CSMD1: variants seen among roughly 807,000 people sequenced by gnomAD.
The protein encoded by CSMD1 is CUB and sushi domain-containing protein 1.
In CSMD1, 213 loss-of-function variants were observed where a neutral mutation model predicts 417.5. The ratio of observed to expected loss-of-function variants is 0.51; its 90% CI spans 0.46 to 0.57. The LOEUF is 0.57. Among genes scored for constraint, CSMD1 ranks in the 20% least tolerant of loss-of-function variants. The probability of loss-of-function intolerance (pLI) is 0.00; values close to 1 mark genes in which losing one functional copy is unlikely to be tolerated. For synonymous variants in CSMD1, 2,862 were observed against 1,736.8 expected (o/e 1.65, Z -16.11); for missense variants, 6,923 against 4,529.7 (o/e 1.53, Z -15.17).
intron 5 of CSMD1, among the ~76,000 whole-genome samples, chr8:3,937,539 T>A (rs1810585234): frequency 6.7e-6 from 1 of 149,640 alleles, no homozygotes; most frequent in South Asian, 2.1e-4. Context: ...TTTAAAAACA[T>A]AATACTATTG....
intron 3 of CSMD1, among the ~76,000 whole-genome samples, chr8:4,319,725 A>G (rs1187710673): frequency 6.6e-6 from 1 of 152,102 alleles, no homozygotes; most frequent in Admixed American, 6.6e-5. Flanking sequence ...TAGAGGAAAA[A>G]GAACTGAGAC....
intron 20 of CSMD1, among the ~76,000 whole-genome samples, chr8:3,363,312 G>A (rs1389257608): frequency 1.3e-5 from 2 of 152,150 alleles, no homozygotes; most frequent in Non-Finnish European, 2.9e-5. Flanking sequence ...AAAAGTCATG[G>A]TACCATTGAA....
At chr8:3,531,775 T>C (rs1277283774) in intron 10 of CSMD1, among the ~76,000 whole-genome samples, 1 of 152,220 alleles carries the variant, frequency 6.6e-6, no homozygotes, top group African/African-American at 2.4e-5. Flanking sequence ...AAGATCGGGC[T>C]GCAAACATAG....
At chr8:3,781,921 A>G (rs1799208805) in intron 5 of CSMD1, among the ~76,000 whole-genome samples, 1 of 152,184 alleles carries the variant, frequency 6.6e-6, no homozygotes. Context: ...CCCATTTAAT[A>G]AGAACTATAA....
intron 5 of CSMD1, among the ~76,000 whole-genome samples, chr8:3,957,357 A>G (rs796595645): frequency 7.9e-5 from 12 of 152,262 alleles, no homozygotes; most frequent in South Asian, 6.2e-4. Flanking sequence ...TCTACGTGCT[A>G]GGCACCAAGG....
chr8:3,226,936 GAA>G (rs71530613), intron 27 of CSMD1, among the ~76,000 whole-genome samples: 4,261 of 148,520 alleles, frequency 0.029, 197 homozygotes, highest in African/African-American at 0.099. Flanking sequence ...ATAAGCATAT[GAA>G]AAAAAAAAGT....
chr8:3,991,207 G>A (rs944670747), intron 5 of CSMD1, among the ~76,000 whole-genome samples: 1 of 152,170 alleles, frequency 6.6e-6, no homozygotes, highest in African/African-American at 2.4e-5. Flanking sequence ...CCAGGATAAG[G>A]CATGTGAAAG....
At chr8:4,640,232 G>C (rs938822388) in intron 1 of CSMD1, among the ~76,000 whole-genome samples, 2 of 152,160 alleles carry the variant, frequency 1.3e-5, no homozygotes, top group Non-Finnish European at 2.9e-5. Flanking sequence ...CCATAGCACC[G>C]GTTAGAAATT....
intron 42 of CSMD1, among the ~76,000 whole-genome samples, chr8:3,113,554 A>G (rs1351501961): frequency 6.6e-6 from 1 of 152,164 alleles, no homozygotes; most frequent in East Asian, 1.9e-4. Context: ...CTTGAATGTC[A>G]CGCCCAATGG....
chr8:3,145,890 T>C (rs1818814437), intron 40 of CSMD1, among the ~76,000 whole-genome samples: 2 of 152,240 alleles, frequency 1.3e-5, no homozygotes, highest in South Asian at 4.1e-4. Flanking sequence ...TAAGTGCCAG[T>C]GACAAGTCAC....
In CSMD1 at chr8:3,944,908, T is replaced by C. The variant is rs564421743; in HGVS notation, c.818+52995A>G. Among the ~76,000 whole-genome samples the C allele has an allele frequency of 3.9e-5, 6 of 152,302 alleles. No homozygotes were observed. In the East Asian group the frequency reaches 7.7e-4, roughly 20 times the overall value. On this transcript the variant is annotated intron_variant, in intron 5 of 69. Coordinates refer to ENST00000635120, the MANE Select transcript of CSMD1 (RefSeq NM_033225.6). ...TTTTCTAATTCATCCCCACAATCAGTGTTTCTGAACGCTGTCTCTCACTTT... is the reference window on the plus strand; with the variant it reads ...TTTTCTAATTCATCCCCACAATCAGCGTTTCTGAACGCTGTCTCTCACTTT...
chr8:4,683,604 C>A (rs1242569360), intron 1 of CSMD1, among the ~76,000 whole-genome samples: 1 of 152,176 alleles, frequency 6.6e-6, no homozygotes, highest in South Asian at 2.1e-4. Flanking sequence ...AACCTTTCAT[C>A]AGACAGTTGA....
chr8:3,296,720 G>GT, intron 25 of CSMD1, among the ~76,000 whole-genome samples: 1 of 152,286 alleles, frequency 6.6e-6, no homozygotes, highest in Non-Finnish European at 1.5e-5. Context: ...AGAGGTGTGC[G>GT]TGAGGTGAGG....
At chr8:4,749,768 A>G (rs1811184109) in intron 1 of CSMD1, among the ~76,000 whole-genome samples, 1 of 152,196 alleles carries the variant, frequency 6.6e-6, no homozygotes, top group South Asian at 2.1e-4. Context: ...ATCTAGATGC[A>G]TTAAAATGTG....
chr8:4,437,033 C>T (rs1417798856), intron 2 of CSMD1, among the ~76,000 whole-genome samples: 1 of 152,120 alleles, frequency 6.6e-6, no homozygotes, highest in Non-Finnish European at 1.5e-5. Flanking sequence ...GAGATTGAGA[C>T]TCAGTGCTTT....
At chr8:4,324,350 A>C (rs908397171) in intron 3 of CSMD1, among the ~76,000 whole-genome samples, 3 of 152,218 alleles carry the variant, frequency 2.0e-5, no homozygotes, top group African/African-American at 7.2e-5. Context: ...GTCCTGTAGT[A>C]GCAGCCATTC....
chr8:3,393,736 A>G (rs1811490207), intron 17 of CSMD1, among the ~76,000 whole-genome samples: 1 of 151,968 alleles, frequency 6.6e-6, no homozygotes, highest in South Asian at 2.1e-4. Flanking sequence ...AACTATGGCA[A>G]AGACAAAAAA....
rs187894096 is a variant in CSMD1, at chr8:4,369,273, C to T, written c.415+50680G>A. Reference sequence around the variant, plus strand: ...ATGGCTCTGATGGGTCTTTCTGATACGACTTCATTTTTGTTTGTGCTGTTT... The same window carrying T: ...ATGGCTCTGATGGGTCTTTCTGATATGACTTCATTTTTGTTTGTGCTGTTT... On this transcript the variant is annotated intron_variant, in intron 3 of 69. Coordinates refer to ENST00000635120, the MANE Select transcript of CSMD1 (RefSeq NM_033225.6). Among the ~76,000 whole-genome samples the T allele has an allele frequency of 2.7e-3, 408 of 152,064 alleles. 2 individuals carry two copies. Among genetic ancestry groups the T allele is most frequent in the Non-Finnish European group, 4.7e-3 (318 of 67,962 alleles).
chr8:4,889,350 G>A (rs549227752), intron 1 of CSMD1, among the ~76,000 whole-genome samples: 1 of 152,206 alleles, frequency 6.6e-6, no homozygotes, highest in East Asian at 1.9e-4. Context: ...TTCTACAAAT[G>A]TGTCAACCTC....
Sources: gnomAD v4.1 joint callset for allele counts (sites outside exome capture counted in the v4.1 genomes callset) on GRCh38, gnomAD v4.1.1 for gene constraint, MANE v1.5 for transcripts, NCBI Gene and HGNC (gene_info 2026-07-23, HGNC 2026-07-21) for gene names.